Variants in MELK observed in about 807,000 individuals in gnomAD.
The protein encoded by MELK is maternal embryonic leucine zipper kinase, also known as pEg3 kinase.
In MELK, 81 loss-of-function variants were observed where a neutral mutation model predicts 85.0. The observed-to-expected ratio is 0.95, with a 90% CI of 0.80 to 1.15. The LOEUF (loss-of-function observed/expected upper bound fraction) is 1.15. Among genes scored for constraint, MELK ranks in the 50% most tolerant of loss-of-function variants. The pLI, the probability that MELK is intolerant of heterozygous loss-of-function variation, is 0.00. For missense variants in MELK, 754 were observed against 777.5 expected, an observed-to-expected ratio of 0.97 and a Z score of 0.36; for synonymous variants, 252 against 265.0, an observed-to-expected ratio of 0.95 and a Z score of 0.48.
At chr9:36,581,568 A>C (rs1822242165) in intron 1 of MELK, 76 bp from the exon 2 acceptor site, 3 of 757,100 alleles carry the variant, frequency 4.0e-6, no homozygotes, top group Non-Finnish European at 6.8e-6. Flanking sequence ...AGACTTATTT[A>C]GATTTGCAGT....
chr9:36,630,016 T>G (rs1009650046), intron 8 of MELK: 3 of 247,100 alleles, frequency 1.2e-5, no homozygotes, highest in South Asian at 7.9e-5. Flanking sequence ...GACTAATTTT[T>G]GTATTTTTAG....
intron 6 of MELK, among the ~76,000 whole-genome samples, chr9:36,598,186 GTTT>G (rs76258907): frequency 2.2e-5 from 3 of 135,820 alleles, no homozygotes; most frequent in African/African-American, 2.7e-5. Flanking sequence ...TAGAAGGCAG[GTTT>G]TTTTTTTTTT....
intron 8 of MELK, among the ~76,000 whole-genome samples, chr9:36,614,329 A>G (rs890756247): frequency 6.6e-6 from 1 of 151,220 alleles, no homozygotes; most frequent in African/African-American, 2.4e-5. Context: ...CTCCTGACTC[A>G]GGTGATTCAC....
At chr9:36,672,222 T>C (rs1199372550) in intron 16 of MELK, among the ~76,000 whole-genome samples, 1 of 152,136 alleles carries the variant, frequency 6.6e-6, no homozygotes, top group African/African-American at 2.4e-5. Flanking sequence ...ACTTTTGTAG[T>C]GTGCTGAGAC....
At chr9:36,594,854 A>T in intron 5 of MELK, 83 bp downstream of exon 5, 1 of 1,463,834 alleles carries the variant, frequency 6.8e-7, no homozygotes, top group Non-Finnish European at 9.2e-7. Context: ...TCTGATTAGG[A>T]ATCTATCTTT....
At chr9:36,597,006 T>C (rs75280964) in intron 5 of MELK, among the ~76,000 whole-genome samples, 2,697 of 152,302 alleles carry the variant, frequency 0.018, 74 homozygotes, top group African/African-American at 0.058. Flanking sequence ...AATTAATTTA[T>C]TTATTTTTAA....
At chr9:36,659,016 G>A (rs1831537118) in intron 13 of MELK, among the ~76,000 whole-genome samples, 1 of 152,016 alleles carries the variant, frequency 6.6e-6, no homozygotes, top group Non-Finnish European at 1.5e-5. Context: ...CGAATAGCTG[G>A]GACTACAGGT....
At chr9:36,676,121 G>C (rs1174068573) in intron 17 of MELK, among the ~76,000 whole-genome samples, 1 of 152,134 alleles carries the variant, frequency 6.6e-6, no homozygotes, top group African/African-American at 2.4e-5. Flanking sequence ...TTCTTGTCAA[G>C]AATCTTAACT....
chr9:36,642,018 G>A (rs1005840798), intron 10 of MELK, among the ~76,000 whole-genome samples: 1 of 152,094 alleles, frequency 6.6e-6, no homozygotes, highest in African/African-American at 2.4e-5. Flanking sequence ...CCTGATTCCT[G>A]CCTTTTTGTT....
chr9:36,603,007 T>C (rs185905397), intron 7 of MELK, among the ~76,000 whole-genome samples: 2 of 152,330 alleles, frequency 1.3e-5, no homozygotes, highest in East Asian at 3.9e-4. Flanking sequence ...GTTTCCACTA[T>C]TCCATTTAGT....
At chr9:36,648,507 C>T (rs1324290377) in intron 11 of MELK, among the ~76,000 whole-genome samples, 1 of 151,984 alleles carries the variant, frequency 6.6e-6, no homozygotes, top group African/African-American at 2.4e-5. Context: ...CTGGAGGTCA[C>T]AAGGCATTCT....
At chr9:36,602,323 T>C (rs544142816) in intron 7 of MELK, among the ~76,000 whole-genome samples, 1 of 151,806 alleles carries the variant, frequency 6.6e-6, no homozygotes, top group South Asian at 2.1e-4. Flanking sequence ...AATCCCTGTC[T>C]CTATTAAAAA....
chr9:36,586,673 C>T (rs1353557560), intron 3 of MELK, among the ~76,000 whole-genome samples: 1 of 152,124 alleles, frequency 6.6e-6, no homozygotes, highest in East Asian at 1.9e-4. Context: ...ACTTCAAATA[C>T]TTAAATAGCA....
chr9:36,650,607 A>G (rs562834252), intron 11 of MELK, among the ~76,000 whole-genome samples: 1 of 152,368 alleles, frequency 6.6e-6, no homozygotes, highest in East Asian at 1.9e-4. Flanking sequence ...GATAGAATGT[A>G]GTCACTTATC....
rs1051141777 is a variant in MELK at position 36,653,570 on chromosome 9, A to G, written c.1053+1693A>G. 3.9e-5 allele frequency among the ~76,000 whole-genome samples: 6 copies of G among 152,196 alleles called. No individual in the cohort carries two copies. In the East Asian group the frequency reaches 5.8e-4, roughly 15 times the overall value. Reference sequence around the variant, plus strand: ...ATTTCCCATGGCTTAAAATTCAGCTATCCAAATACTTTGCCAGATGGGTAT... The same window carrying G: ...ATTTCCCATGGCTTAAAATTCAGCTGTCCAAATACTTTGCCAGATGGGTAT... On this transcript the variant is annotated intron_variant, in intron 12 of 17. Transcript: ENST00000298048.
intron 13 of MELK, among the ~76,000 whole-genome samples, chr9:36,662,299 A>G (rs1831924677): frequency 6.7e-6 from 1 of 149,534 alleles, no homozygotes; most frequent in Admixed American, 6.7e-5. Context: ...CTTGAGTGCA[A>G]TGGCGTGATC....
At position 36,615,095 on chromosome 9, in the gene MELK, A is replaced by C. The variant is rs527817136; in HGVS notation, c.666+7422A>C. ...GACCCCCCCCCCACCTCCCTCCCGG[A>C]CGGGGCGGCTGGCCGGGCAGAGGGG... On this transcript the variant is annotated intron_variant, in intron 8 of 17. Coordinates refer to ENST00000298048, the MANE Select transcript of MELK (RefSeq NM_014791.4). Among the ~76,000 whole-genome samples the C allele has an allele frequency of 2.2e-4, 22 of 101,070 alleles. No homozygotes were observed. In the South Asian group the frequency reaches 8.2e-3, roughly 38 times the overall value. The allele number at this position is 101,070 out of a possible 152,430, so 66.3% of individuals were successfully genotyped here.
intron 1 of MELK, among the ~76,000 whole-genome samples, chr9:36,577,609 G>A (rs1821782745): frequency 6.6e-6 from 1 of 151,860 alleles, no homozygotes; most frequent in Admixed American, 6.6e-5. Context: ...TGGGATTACA[G>A]GCGTGAGCCA....
intron 9 of MELK, among the ~76,000 whole-genome samples, chr9:36,631,618 C>T (rs1275013079): frequency 6.6e-6 from 1 of 152,056 alleles, no homozygotes; most frequent in East Asian, 1.9e-4. Flanking sequence ...CTCTGTCGCC[C>T]AGGCTGGAGT....
Sources: gnomAD v4.1 joint callset for allele counts (sites outside exome capture counted in the v4.1 genomes callset) on GRCh38, gnomAD v4.1.1 for gene constraint, MANE v1.5 for transcripts, NCBI Gene and HGNC (gene_info 2026-07-23, HGNC 2026-07-21) for gene names.